Variants in IRF4 observed in about 807,000 individuals in gnomAD.
IRF4 encodes lymphocyte-specific interferon regulatory factor.
In IRF4, 13 loss-of-function variants were observed where a neutral mutation model predicts 55.5. That is an observed-to-expected ratio of 0.23 (90% CI 0.15 to 0.37). The LOEUF is 0.37. Among genes scored for constraint, IRF4 ranks in the 10% least tolerant of loss-of-function variants. The pLI is 1.00. For missense variants in IRF4, 397 were observed against 593.8 expected, an observed-to-expected ratio of 0.67 and a Z score of 3.44; for synonymous variants, 249 against 240.7, an observed-to-expected ratio of 1.03 and a Z score of -0.32.
At position 409,034 on chromosome 6, in the gene IRF4, G is replaced by A. The variant is rs777563874; in HGVS notation, c.*1436G>A. 10 of 219,812 alleles carry A rather than the reference G, an allele frequency of 4.5e-5. No homozygotes were observed. Among genetic ancestry groups the A allele is most frequent in the African/African-American group, 6.7e-5 (3 of 44,610 alleles). The allele number at this position is 219,812 out of a possible 1,614,324, so 13.6% of individuals were successfully genotyped here. A position where few individuals can be genotyped will look rare whatever the true frequency, so the allele number is the denominator to read the frequency against. Reference sequence around the variant, plus strand: ...TAGACTGGGGCGTCACCTCCAGGCCGTTTCTCATACTACAGGATATTTACT... The same window carrying A: ...TAGACTGGGGCGTCACCTCCAGGCCATTTCTCATACTACAGGATATTTACT... On this transcript the variant is annotated 3_prime_UTR_variant, in exon 9 of 9. Transcript: ENST00000380956.
At chr6:403,413 G>T (rs551412704) in intron 7 of IRF4, among the ~76,000 whole-genome samples, 1 of 152,374 alleles carries the variant, frequency 6.6e-6, no homozygotes, top group South Asian at 2.1e-4. Flanking sequence ...CAAGGTGAGG[G>T]CTTTCTAATG....
Position 393,151 on chromosome 6 carries a change from G to T in IRF4, c.-2G>T, listed in dbSNP as rs1490024013. On this transcript the variant is annotated 5_prime_UTR_variant, in exon 2 of 9. Transcript: ENST00000380956. The surrounding 1 kb of genome is among the most constrained non-coding windows in gnomAD (Gnocchi z 5.4). ...GGCGCGGGCGCGGACGGCACGCGGG[G>T]CATGAACCTGGAGGGCGGCGGCCGA... 6.5e-7 allele frequency: 1 copy of T among 1,548,992 alleles called. No individual in the cohort carries two copies.
At chr6:398,539 C>T (rs559007155) in intron 5 of IRF4, among the ~76,000 whole-genome samples, 1 of 152,398 alleles carries the variant, frequency 6.6e-6, no homozygotes, top group African/African-American at 2.4e-5. Flanking sequence ...TGTCATCTGT[C>T]TCTGAGCCTC....
rs558061652 is a variant in IRF4, at chr6:397,158, C to T, written c.543C>T (p.Tyr181=). 2.6e-5 allele frequency: 42 copies of T among 1,614,274 alleles called. 1 individual carries two copies. The South Asian group carries it at 3.3e-4, about 13-fold the overall frequency. The change falls in exon 5 of 9, where the codon TAC becomes TAT. Residue 181 remains tyrosine, a synonymous_variant. Coordinates refer to ENST00000380956, the MANE Select transcript of IRF4 (RefSeq NM_002460.4). ...CCCTCGACCGAAGCTGGAGGGACTA[C>T]GTCCCGGATCAGCCACACCCGGAAA... The part of the protein sequence containing the change: ...MPPLDRSWRD[Y]VPDQPHPEIP...
At chr6:395,717 A>G in intron 3 of IRF4, 130 bp from the exon 4 acceptor site, 3 of 699,882 alleles carry the variant, frequency 4.3e-6, no homozygotes, top group Non-Finnish European at 7.3e-6. Flanking sequence ...GCTGAAAAAT[A>G]CCTTATTTGT....
chr6:405,205 C>T (rs1415267851), intron 8 of IRF4, 75 bp downstream of exon 8: 4 of 822,882 alleles, frequency 4.9e-6, no homozygotes, highest in Non-Finnish European at 8.1e-6. Context: ...TTAGAAAAGT[C>T]CCAAATGAAA....
At chr6:395,081 G>A (rs1761218033) in intron 3 of IRF4, 74 bp downstream of exon 3, 1 of 1,192,184 alleles carries the variant, frequency 8.4e-7, no homozygotes, top group African/African-American at 1.5e-5. Context: ...TTCATTCTGA[G>A]CATCACTTTC....
rs746326553 is a variant in IRF4 at position 405,138 on chromosome 6, C to T, written c.1212+8C>T. 3 of 1,394,804 alleles carry T rather than the reference C, an allele frequency of 2.2e-6. No homozygotes were observed. The highest frequency in any genetic ancestry group is 3.4e-5 in the Admixed American group (2 of 59,628). The allele number at this position is 1,394,804 out of a possible 1,614,324, so 86.4% of individuals were successfully genotyped here. A position where few individuals can be genotyped will look rare whatever the true frequency, so the allele number is the denominator to read the frequency against. ...AAGCTCATCACAGCTCACGTGAGTC[C>T]TCAGTTACACTCCTACCATAGTGGC... On this transcript the variant is annotated splice_region_variant and intron_variant, in intron 8 of 8. Transcript: ENST00000380956.
Position 407,781 on chromosome 6 carries a change from G to T in IRF4, c.*183G>T. ...AGCCTCCCTGGTAGCTGGGATTACA[G>T]GTGTGAGCCACTGCACCCACCCAAG... On this transcript the variant is annotated 3_prime_UTR_variant, in exon 9 of 9. Coordinates refer to ENST00000380956, the MANE Select transcript of IRF4 (RefSeq NM_002460.4). The T allele has an allele frequency of 3.4e-6, 2 of 594,180 alleles. No homozygotes were observed. Among genetic ancestry groups the T allele is most frequent in the South Asian group, 2.2e-5 (1 of 46,010 alleles). The allele number at this position is 594,180 out of a possible 1,614,324, so 36.8% of individuals were successfully genotyped here.
intron 8 of IRF4, among the ~76,000 whole-genome samples, chr6:406,434 C>T (rs575862307): frequency 3.9e-5 from 6 of 152,044 alleles, no homozygotes; most frequent in East Asian, 1.9e-4. Context: ...CCCAGCTACT[C>T]GGGAGGCTGA....
chr6:399,610 A>T (rs1761350607), intron 6 of IRF4, among the ~76,000 whole-genome samples: 1 of 152,274 alleles, frequency 6.6e-6, no homozygotes, highest in African/African-American at 2.4e-5. Flanking sequence ...TTTTCAGATA[A>T]TATTTTGGAT....
chr6:393,034 G>C lies in IRF4; in HGVS notation c.-55-64G>C, dbSNP rs926559165. ...GGGGCCTCGTGGTCACTGGCGCAGG[G>C]GATCGGGGCGGGGTGCCCGGAGTGC... On this transcript the variant is annotated intron_variant, in intron 1 of 8. Transcript: ENST00000380956. This position sits in a 1 kb window ranked among gnomAD's most constrained non-coding sequence, Gnocchi z 5.4. The C allele has an allele frequency of 1.2e-5, 11 of 916,732 alleles. No homozygotes were observed. Among genetic ancestry groups the C allele is most frequent in the Non-Finnish European group, 1.8e-5 (11 of 619,712 alleles). 56.8% of individuals were successfully genotyped at this position (916,732 alleles called of 1,614,324 possible).
intron 7 of IRF4, among the ~76,000 whole-genome samples, chr6:404,680 C>T (rs1007702860): frequency 2.0e-5 from 3 of 152,224 alleles, no homozygotes; most frequent in African/African-American, 7.2e-5. Context: ...CATTGCGTGA[C>T]TACGTTTCTT....
chr6:404,156 T>A (rs1761480594), intron 7 of IRF4, among the ~76,000 whole-genome samples: 1 of 152,242 alleles, frequency 6.6e-6, no homozygotes, highest in Non-Finnish European at 1.5e-5. Flanking sequence ...GGCTCCTGTG[T>A]CAACTCGTTT....
In IRF4 at chr6:411,422, A is replaced by G. The variant is rs1561724203; in HGVS notation, c.*3824A>G. 1 of 188,716 alleles carries G rather than the reference A, an allele frequency of 5.3e-6. No individual in the cohort carries two copies. Among genetic ancestry groups the G allele is most frequent in the Non-Finnish European group, 1.1e-5 (1 of 89,450 alleles). The allele number at this position is 188,716 out of a possible 1,614,324, so 11.7% of individuals were successfully genotyped here. ...GATAAATTTATGTTTTTAGGTAAATAAAAACTTTTAAAAATTTGTTATGGA... is the reference window on the plus strand; with the variant it reads ...GATAAATTTATGTTTTTAGGTAAATGAAAACTTTTAAAAATTTGTTATGGA... On this transcript the variant is annotated 3_prime_UTR_variant, in exon 9 of 9. Coordinates refer to ENST00000380956, the MANE Select transcript of IRF4 (RefSeq NM_002460.4).
chr6:399,160 C>T (rs1053878838), intron 6 of IRF4, among the ~76,000 whole-genome samples: 2 of 152,230 alleles, frequency 1.3e-5, no homozygotes, highest in African/African-American at 4.8e-5. Flanking sequence ...GTTTCAGCCA[C>T]TGGCTTGAAT....
At position 393,051 on chromosome 6, in the gene IRF4, C is replaced by G. The variant is rs1761155030; in HGVS notation, c.-55-47C>G. The stretch of plus-strand genomic sequence containing the variant: ...GGCGCAGGGGATCGGGGCGGGGTGC[C>G]CGGAGTGCGGTGCCTCGTGGCTGAA... On this transcript the variant is annotated intron_variant, in intron 1 of 8. Transcript: ENST00000380956. This position sits in a 1 kb window ranked among gnomAD's most constrained non-coding sequence, Gnocchi z 5.4. 4 of 1,114,024 alleles carry G rather than the reference C, an allele frequency of 3.6e-6. No homozygotes were observed. Among genetic ancestry groups the G allele is most frequent in the Non-Finnish European group, 5.1e-6 (4 of 791,616 alleles). The allele number at this position is 1,114,024 out of a possible 1,614,324, so 69.0% of individuals were successfully genotyped here.
At chr6:401,875 T>G (rs1265100769) in intron 7 of IRF4, 98 bp downstream of exon 7, 5 of 1,086,018 alleles carry the variant, frequency 4.6e-6, no homozygotes, top group African/African-American at 1.6e-5. Flanking sequence ...GGCTGAGGTC[T>G]TCCTCCTGTT....
intron 7 of IRF4, among the ~76,000 whole-genome samples, chr6:404,531 G>A (rs566508055): frequency 2.6e-5 from 4 of 152,354 alleles, no homozygotes; most frequent in South Asian, 2.1e-4. Flanking sequence ...CCTGAGTTAC[G>A]TGGATGTCCG....
Sources: allele counts gnomAD v4.1 joint callset (sites outside exome capture counted in the v4.1 genomes callset), GRCh38; gene constraint gnomAD v4.1.1; non-coding constraint Gnocchi (gnomAD v3.1); transcripts MANE v1.5; gene names NCBI Gene and HGNC (gene_info 2026-07-23, HGNC 2026-07-21).